C3orf20: variants seen among roughly 807,000 people sequenced by gnomAD.
The protein encoded by C3orf20 is uncharacterized protein C3orf20.
In C3orf20, 76 loss-of-function variants were observed where a neutral mutation model predicts 88.3. That is an observed-to-expected ratio of 0.86 (90% CI 0.72 to 1.04). The LOEUF (loss-of-function observed/expected upper bound fraction) is 1.04, where lower values mean the gene tolerates loss of function less well. Among genes scored for constraint, C3orf20 ranks in the 50% least tolerant of loss-of-function variants. C3orf20 has a pLI of 0.00. For synonymous variants in C3orf20, 436 were observed against 437.4 expected (o/e 1.00, Z 0.04); for missense variants, 1,056 against 1,123.3 (o/e 0.94, Z 0.86).
intron 12 of C3orf20, among the ~76,000 whole-genome samples, chr3:14,754,384 A>G (rs1479528771): frequency 1.3e-5 from 2 of 152,214 alleles, no homozygotes; most frequent in Admixed American, 6.5e-5. Flanking sequence ...AACAAGGTTC[A>G]TATTGTCCCC....
At chr3:14,693,992 T>G (rs952847495) in intron 5 of C3orf20, among the ~76,000 whole-genome samples, 1 of 152,202 alleles carries the variant, frequency 6.6e-6, no homozygotes, top group East Asian at 1.9e-4. Flanking sequence ...ATGTATCACA[T>G]TGATTGATTT....
rs1306883709 is a variant in C3orf20, at chr3:14,728,422, G to A, written c.1691-17G>A. 3 of 1,613,026 alleles carry A rather than the reference G, an allele frequency of 1.9e-6. No homozygotes were observed. Among genetic ancestry groups the A allele is most frequent in the Non-Finnish European group, 2.5e-6 (3 of 1,179,078 alleles). ...TGGCCATGAAGGGAAAATGACAGCA[G>A]CATCTTCTGTTAACAGGTCTGTTTA... On this transcript the variant is annotated splice_polypyrimidine_tract_variant and intron_variant, in intron 11 of 16. Coordinates refer to ENST00000253697, the MANE Select transcript of C3orf20 (RefSeq NM_032137.5).
chr3:14,721,165 G>T (rs1352439612), intron 9 of C3orf20, among the ~76,000 whole-genome samples: 3 of 152,138 alleles, frequency 2.0e-5, no homozygotes, highest in Non-Finnish European at 2.9e-5. Flanking sequence ...GGCCCTTCTG[G>T]GTCCTCTTTG....
intron 12 of C3orf20, among the ~76,000 whole-genome samples, chr3:14,745,730 C>T (rs1177492603): frequency 1.3e-5 from 2 of 152,182 alleles, no homozygotes; most frequent in African/African-American, 4.8e-5. Context: ...TTTACATTCT[C>T]ATCAGCAAAA....
Position 14,703,186 on chromosome 3 carries a change from A to G in C3orf20, c.802A>G (p.Thr268Ala). 1 of 1,614,060 alleles carries G rather than the reference A, an allele frequency of 6.2e-7. No homozygotes were observed. The highest frequency in any genetic ancestry group is 8.5e-7 in the Non-Finnish European group (1 of 1,180,012). ...SMPPLHRGVG[T>A]PANSLEFSDP... ...GCCGCCCCTGCATCGAGGAGTGGGA[A>G]CCCCTGCCAACAGCCTGGAGTTCAG... Residue 268 changes from threonine to alanine, a missense_variant, in exon 6 of 17, where the codon ACC (threonine) becomes GCC (alanine). By Grantham distance (58) the Thr-to-Ala change is moderately conservative. Coordinates refer to ENST00000253697, the MANE Select transcript of C3orf20 (RefSeq NM_032137.5).
At chr3:14,719,651 T>G (rs539445954) in intron 9 of C3orf20, among the ~76,000 whole-genome samples, 3 of 152,160 alleles carry the variant, frequency 2.0e-5, no homozygotes, top group Non-Finnish European at 4.4e-5. Flanking sequence ...AGAAGACAAG[T>G]CTGTGGTTTA....
chr3:14,704,644 ATCTC>A, intron 7 of C3orf20, 26 bp downstream of exon 7: 1 of 1,605,870 alleles, frequency 6.2e-7, no homozygotes, highest in Admixed American at 1.7e-5. Flanking sequence ...GTACCACCCT[ATCTC>A]CCCAGCTACT....
intron 10 of C3orf20, 27 bp downstream of exon 10, chr3:14,721,811 G>A: frequency 6.2e-7 from 1 of 1,613,228 alleles, no homozygotes; most frequent in African/African-American, 1.3e-5. Context: ...TATGCACCCA[G>A]CCCTGACCCC....
chr3:14,753,983 C>A (rs1030889371), intron 12 of C3orf20, among the ~76,000 whole-genome samples: 3 of 152,242 alleles, frequency 2.0e-5, no homozygotes, highest in African/African-American at 7.2e-5. Context: ...CTGCATTAGC[C>A]TTTACCTTCT....
At chr3:14,684,731 G>A (rs532235207) in intron 4 of C3orf20, among the ~76,000 whole-genome samples, 9 of 152,314 alleles carry the variant, frequency 5.9e-5, no homozygotes, top group African/African-American at 2.2e-4. Flanking sequence ...CATGATAAAT[G>A]TCACAGCAGT....
intron 7 of C3orf20, among the ~76,000 whole-genome samples, chr3:14,713,261 G>T (rs1317527472): frequency 6.6e-6 from 1 of 152,042 alleles, no homozygotes; most frequent in East Asian, 1.9e-4. Context: ...AATTTCTCTT[G>T]TCTCTCCTTC....
intron 6 of C3orf20, 89 bp downstream of exon 6, chr3:14,703,351 A>C: frequency 6.4e-7 from 1 of 1,574,526 alleles, no homozygotes; most frequent in Non-Finnish European, 8.6e-7. Context: ...ATGTGAGTGG[A>C]CAGTCACAGA....
chr3:14,717,090 A>G (rs1305469009), intron 9 of C3orf20, among the ~76,000 whole-genome samples: 1 of 152,220 alleles, frequency 6.6e-6, no homozygotes, highest in Non-Finnish European at 1.5e-5. Context: ...GGAGCTAAGT[A>G]CTAGTGCCAA....
At chr3:14,702,436 A>G (rs1165831143) in intron 5 of C3orf20, among the ~76,000 whole-genome samples, 2 of 130,652 alleles carry the variant, frequency 1.5e-5, no homozygotes, top group African/African-American at 5.8e-5. Flanking sequence ...ATGTCCTCAC[A>G]TATCTTTTTT....
intron 7 of C3orf20, among the ~76,000 whole-genome samples, chr3:14,710,021 C>T (rs1013820100): frequency 6.6e-6 from 1 of 152,164 alleles, no homozygotes; most frequent in South Asian, 2.1e-4. Flanking sequence ...GGTGATTTTT[C>T]ATTAATGATT....
chr3:14,728,755 G>A, intron 12 of C3orf20, 67 bp downstream of exon 12: 2 of 1,544,438 alleles, frequency 1.3e-6, no homozygotes, highest in South Asian at 1.2e-5. Context: ...ACAGGATAGT[G>A]AACCCAACAG....
In C3orf20 at chr3:14,768,254, A is replaced by G. The variant is rs536375040; in HGVS notation, c.2496-3813A>G. Among the ~76,000 whole-genome samples, 37 of 152,134 alleles carry G rather than the reference A, an allele frequency of 2.4e-4. No individual in the cohort carries two copies. In the East Asian group the frequency reaches 6.9e-3, roughly 29 times the overall value. ...GGGGGCCCACACCCTCGTCCGCTGC[A>G]TACACCAAGACCCCTCCAAGGATGG... On this transcript the variant is annotated intron_variant, in intron 15 of 16. Transcript: ENST00000253697. The surrounding 1 kb of genome is among the most constrained non-coding windows in gnomAD (Gnocchi z 4.1).
intron 7 of C3orf20, among the ~76,000 whole-genome samples, chr3:14,711,270 T>A (rs2033726952): frequency 6.6e-6 from 1 of 152,234 alleles, no homozygotes; most frequent in African/African-American, 2.4e-5. Flanking sequence ...TAGTGAAGTC[T>A]CCAACTATTT....
chr3:14,767,125 C>T (rs935990901), intron 15 of C3orf20: 3 of 152,374 alleles, frequency 2.0e-5, no homozygotes, highest in African/African-American at 7.2e-5. Context: ...GTCTGCCTCG[C>T]CTGCTAGCCT....
Sources: gnomAD v4.1 joint callset for allele counts (sites outside exome capture counted in the v4.1 genomes callset) on GRCh38, gnomAD v4.1.1 for gene constraint, Gnocchi (gnomAD v3.1) non-coding constraint, MANE v1.5 for transcripts, NCBI Gene and HGNC (gene_info 2026-07-23, HGNC 2026-07-21) for gene names.